NAV2: variants seen among roughly 807,000 people sequenced by gnomAD.
The protein encoded by NAV2 is neuron navigator 2, also known as helicase, APC down-regulated 1.
Under a neutral mutation model 223.2 loss-of-function variants are expected in NAV2, and 54 were observed. The ratio of observed to expected loss-of-function variants is 0.24; its 90% CI spans 0.19 to 0.30. The LOEUF (loss-of-function observed/expected upper bound fraction) is 0.30. Ranked by LOEUF, NAV2 falls within the 10% of genes least tolerant of loss-of-function variation. The pLI is 1.00. For missense variants in NAV2, 2,806 were observed against 3,147.5 expected, an observed-to-expected ratio of 0.89 and a Z score of 2.60; for synonymous variants, 1,279 against 1,239.3, an observed-to-expected ratio of 1.03 and a Z score of -0.67.
intron 1 of NAV2, among the ~76,000 whole-genome samples, chr11:19,625,455 C>T (rs1299130037): frequency 6.6e-6 from 1 of 152,118 alleles, no homozygotes; most frequent in African/African-American, 2.4e-5. Context: ...TGATTCATCT[C>T]CTGTTGAACT....
At chr11:20,088,729 T>G (rs1190518196) in intron 26 of NAV2, among the ~76,000 whole-genome samples, 1 of 152,142 alleles carries the variant, frequency 6.6e-6, no homozygotes, top group African/African-American at 2.4e-5. Context: ...GCTGAGAGCT[T>G]TCTGGGAAAA....
At chr11:20,068,432 A>G (rs1442709) in intron 22 of NAV2, 34 bp downstream of exon 22, 326,535 of 1,520,778 alleles carry the variant, frequency 0.21, 40,132 homozygotes, top group East Asian at 0.53. Flanking sequence ...GCATCGGGAC[A>G]GGAAGCACCA....
rs570974026 is a variant in NAV2 at position 19,826,575 on chromosome 11, T to C, written c.268-5909T>C. On this transcript the variant is annotated intron_variant, in intron 1 of 37. Transcript: ENST00000349880. ...GGAGATGGGGCTGAATTTATGTCCA[T>C]GATTAGCATGGCCCATGAACACTGA... Among the ~76,000 whole-genome samples the C allele has an allele frequency of 3.1e-3, 470 of 152,310 alleles. 1 individual carries two copies. Among genetic ancestry groups the C allele is most frequent in the Non-Finnish European group, 4.5e-3 (309 of 68,018 alleles).
At chr11:19,562,728 G>A (rs1487193) in intron 1 of NAV2, among the ~76,000 whole-genome samples, 2 of 152,138 alleles carry the variant, frequency 1.3e-5, no homozygotes, top group African/African-American at 4.8e-5. Context: ...GTGGATTTAC[G>A]CAGCACTAAA....
chr11:19,778,015 C>T (rs2056423373), intron 1 of NAV2: 2 of 455,652 alleles, frequency 4.4e-6, no homozygotes, highest in Non-Finnish European at 8.8e-6. Flanking sequence ...CTCCTCCCGC[C>T]TCTCACAATG....
At chr11:19,586,322 G>A (rs907634221) in intron 1 of NAV2, among the ~76,000 whole-genome samples, 6 of 151,950 alleles carry the variant, frequency 3.9e-5, no homozygotes, top group African/African-American at 1.2e-4. Context: ...CCATGGGTTC[G>A]AACTTCCTCC....
intron 1 of NAV2, among the ~76,000 whole-genome samples, chr11:19,530,484 TC>T (rs1216801722): frequency 6.6e-6 from 1 of 152,238 alleles, no homozygotes; most frequent in Non-Finnish European, 1.5e-5. Flanking sequence ...CATTATTTCC[TC>T]TTCATGCCTG....
chr11:19,353,556 A>G (rs904403325), intron 1 of NAV2, among the ~76,000 whole-genome samples: 1 of 152,238 alleles, frequency 6.6e-6, no homozygotes, highest in Non-Finnish European at 1.5e-5. Context: ...TTTTCAACAT[A>G]GGACAATGGG....
chr11:19,925,705 G>A (rs532993017), intron 6 of NAV2, among the ~76,000 whole-genome samples: 47 of 148,612 alleles, frequency 3.2e-4, no homozygotes, highest in African/African-American at 9.7e-4. Flanking sequence ...CTGACATTGC[G>A]CCACTACACT....
intron 9 of NAV2, 56 bp from the exon 10 acceptor site, chr11:19,948,627 GAACATATA>G: frequency 6.9e-7 from 1 of 1,447,724 alleles, no homozygotes; most frequent in Non-Finnish European, 9.2e-7. Flanking sequence ...AATAATTAAA[GAACATATA>G]AACTGTGAAG....
chr11:19,638,468 C>G (rs1286229868), intron 1 of NAV2, among the ~76,000 whole-genome samples: 1 of 152,200 alleles, frequency 6.6e-6, no homozygotes, highest in African/African-American at 2.4e-5. Context: ...TTGCCAGTTA[C>G]TAACCATGTG....
rs1267871804 is a variant in NAV2, at chr11:19,713,989, T to A, written c.267+27T>A. The A allele has an allele frequency of 1.2e-6, 2 of 1,610,340 alleles. No individual in the cohort carries two copies. The highest frequency in any genetic ancestry group is 2.2e-5 in the South Asian group (2 of 90,728). On this transcript the variant is annotated intron_variant, in intron 1 of 37. Coordinates refer to ENST00000349880, the MANE Select transcript of NAV2 (RefSeq NM_145117.5). This position sits in a 1 kb window ranked among gnomAD's most constrained non-coding sequence, Gnocchi z 7.2. ...TGAGAGATGCCGTTTGCCGGGGTAC[T>A]GTTCTGGAAGGATGGATGAATAGTT...
chr11:19,915,405 T>A (rs1406130124), intron 6 of NAV2, among the ~76,000 whole-genome samples: 1 of 152,210 alleles, frequency 6.6e-6, no homozygotes, highest in African/African-American at 2.4e-5. Flanking sequence ...TTGAAGACTC[T>A]TCACCATGGC....
At chr11:19,629,654 C>A (rs1361399908) in intron 1 of NAV2, among the ~76,000 whole-genome samples, 1 of 151,778 alleles carries the variant, frequency 6.6e-6, no homozygotes, top group Non-Finnish European at 1.5e-5. Context: ...TGCTGGAAAC[C>A]AAGAGGCTGG....
chr11:19,738,343 G>A (rs184938117), intron 1 of NAV2, among the ~76,000 whole-genome samples: 31 of 152,372 alleles, frequency 2.0e-4, no homozygotes, highest in East Asian at 1.2e-3. Flanking sequence ...CCCAGCAGGA[G>A]CCTGTCAGCC....
chr11:19,426,175 G>C (rs1197750682), intron 1 of NAV2, among the ~76,000 whole-genome samples: 1 of 152,144 alleles, frequency 6.6e-6, no homozygotes, highest in Non-Finnish European at 1.5e-5. Flanking sequence ...ACAGCTTCCT[G>C]CCTGGCCTCT....
intron 1 of NAV2, among the ~76,000 whole-genome samples, chr11:19,388,403 T>C (rs949774047): frequency 1.3e-5 from 2 of 152,196 alleles, no homozygotes; most frequent in African/African-American, 4.8e-5. Flanking sequence ...TGGAGCTTCA[T>C]TGGAGATGTT....
At chr11:19,795,926 G>C (rs572464107) in intron 1 of NAV2, among the ~76,000 whole-genome samples, 1 of 152,212 alleles carries the variant, frequency 6.6e-6, no homozygotes, top group East Asian at 1.9e-4. Context: ...ACAGACTGTA[G>C]TGGCTTTGAG....
At chr11:19,530,374 C>A (rs1323984421) in intron 1 of NAV2, among the ~76,000 whole-genome samples, 1 of 151,752 alleles carries the variant, frequency 6.6e-6, no homozygotes, top group East Asian at 1.9e-4. Flanking sequence ...GGTAATAATG[C>A]AAGGTAGCAT....
Sources: allele counts gnomAD v4.1 joint callset (sites outside exome capture counted in the v4.1 genomes callset), GRCh38; gene constraint gnomAD v4.1.1; non-coding constraint Gnocchi (gnomAD v3.1); transcripts MANE v1.5; gene names NCBI Gene and HGNC (gene_info 2026-07-23, HGNC 2026-07-21).